The following TOE1 variants were observed in gnomAD, a reference collection of about 807,000 sequenced individuals.
TOE1 encodes the protein target of EGR1 protein 1.
A neutral mutation model predicts 49.2 loss-of-function variants in TOE1; 50 were observed. The ratio of observed to expected loss-of-function variants is 1.02; its 90% confidence interval spans 0.81 to 1.29. The LOEUF is 1.29. TOE1 is among the 50% of genes most tolerant of loss of function. The pLI is 0.00. For synonymous variants in TOE1, 221 were observed against 247.0 expected, an observed-to-expected ratio of 0.89 and a Z score of 0.99; for missense variants, 544 against 654.4, an observed-to-expected ratio of 0.83 and a Z score of 1.84.
chr1:45,340,924 T>A, intron 1 of TOE1, 149 bp from the exon 2 acceptor site: 1 of 1,119,966 alleles, frequency 8.9e-7, no homozygotes, highest in Non-Finnish European at 1.3e-6. Flanking sequence ...CCAAGGCCTG[T>A]GTGTAGAACA....
intron 1 of TOE1, 36 bp downstream of exon 1, chr1:45,340,340 T>A (rs750065907): frequency 1.3e-6 from 2 of 1,597,648 alleles, no homozygotes; most frequent in Non-Finnish European, 1.7e-6. Context: ...TCAAAGCCTC[T>A]GCGCTCTGGG....
At chr1:45,340,978 AC>A (rs1646918912) in intron 1 of TOE1, 94 bp from the exon 2 acceptor site, 5 of 1,548,820 alleles carry the variant, frequency 3.2e-6, no homozygotes, top group Non-Finnish European at 4.4e-6. Context: ...AATGGAAACT[AC>A]CCCCCTTACC....
Position 45,342,098 on chromosome 1 carries a change from C to T in TOE1, c.483C>T (p.Gly161=). 1 of 1,613,860 alleles carries T rather than the reference C, an allele frequency of 6.2e-7. No individual in the cohort carries two copies. ...CCCAAGGCATCCCCTACCATAAGGGCAATGACAAGGTAGGCCTCTAGCCTC... is the reference window on the plus strand; with the variant it reads ...CCCAAGGCATCCCCTACCATAAGGGTAATGACAAGGTAGGCCTCTAGCCTC... ...QYAQGIPYHK[G]NDKGDESQSQ... The change falls in exon 5 of 8, where the codon GGC becomes GGT. Residue 161 remains glycine, a synonymous_variant. Transcript: ENST00000372090.
intron 1 of TOE1, 111 bp from the exon 2 acceptor site, chr1:45,340,962 G>A: frequency 6.8e-7 from 1 of 1,474,556 alleles, no homozygotes; most frequent in East Asian, 2.3e-5. Flanking sequence ...TGTGGGAAAA[G>A]CTACCAATGG....
Position 45,341,497 on chromosome 1 carries a change from C to T in TOE1, c.261C>T (p.Ala87=), listed in dbSNP as rs148784816. The change falls in exon 4 of 8, where the codon GCC becomes GCT. Residue 87 remains alanine, a synonymous_variant. Coordinates refer to ENST00000372090, the MANE Select transcript of TOE1 (RefSeq NM_025077.4). ...LNQCIEERYK[A]VCHAARTRSI... ...GGTGCATTGAGGAACGTTACAAGGC[C>T]GTGTGTCATGCTGCCAGGACCCGTT... 1.1e-4 allele frequency: 171 copies of T among 1,613,896 alleles called. No homozygotes were observed. The highest frequency in any genetic ancestry group is 2.1e-4 in the African/African-American group (16 of 74,844).
chr1:45,343,857 G>T lies in TOE1; in HGVS notation c.*155G>T. 1.2e-6 allele frequency: 1 copy of T among 824,932 alleles called. No homozygotes were observed. The allele number at this position is 824,932 out of a possible 1,614,324, so 51.1% of individuals were successfully genotyped here. A position where few individuals can be genotyped will look rare whatever the true frequency, so the allele number is the denominator to read the frequency against. ...GACCGCCTCCTTTATCCCAGTGTTT[G>T]AGGTACAAGTAAGAAGGCTGACCAG... On this transcript the variant is annotated 3_prime_UTR_variant, in exon 8 of 8. Coordinates refer to ENST00000372090, the MANE Select transcript of TOE1 (RefSeq NM_025077.4). The surrounding 1 kb of genome is among the most constrained non-coding windows in gnomAD (Gnocchi z 4.3).
chr1:45,340,659 TG>T (rs1646883996), intron 1 of TOE1: 3 of 1,140,790 alleles, frequency 2.6e-6, no homozygotes, highest in South Asian at 3.5e-5. Flanking sequence ...TGGGGCTTAC[TG>T]GGAGCTGTTG....
At chr1:45,340,523 G>A (rs1370783231) in intron 1 of TOE1, 4 of 1,423,478 alleles carry the variant, frequency 2.8e-6, no homozygotes, top group Non-Finnish European at 3.7e-6. Context: ...GGCGGGAGAT[G>A]TAGTCTGGAG....
At chr1:45,341,685 AG>A (rs1646992863) in intron 4 of TOE1, 116 bp downstream of exon 4, 2 of 977,354 alleles carry the variant, frequency 2.0e-6, no homozygotes, top group Non-Finnish European at 1.5e-6. Context: ...TTGACTTGAT[AG>A]TTTTTTTTTT....
At chr1:45,342,142 C>A in intron 5 of TOE1, 35 bp downstream of exon 5, 1 of 1,607,806 alleles carries the variant, frequency 6.2e-7, no homozygotes, top group South Asian at 1.1e-5. Flanking sequence ...TGAGTCTGCC[C>A]TTTCTGTGAC....
At chr1:45,340,831 A>T (rs567638790) in intron 1 of TOE1, among the ~76,000 whole-genome samples, 1 of 152,314 alleles carries the variant, frequency 6.6e-6, no homozygotes, top group South Asian at 2.1e-4. Context: ...TGTGAAAGCG[A>T]GGTGGGAAGT....
In TOE1 at chr1:45,340,210, C is replaced by T. The variant is rs766584437; in HGVS notation, c.-43C>T. ...CCGCGCCAGGAGACGGACCGCAAGTCCAGCGTACCCACAGACGACTCAGGC... is the reference window on the plus strand; with the variant it reads ...CCGCGCCAGGAGACGGACCGCAAGTTCAGCGTACCCACAGACGACTCAGGC... On this transcript the variant is annotated 5_prime_UTR_variant, in exon 1 of 8. Transcript: ENST00000372090. The T allele has an allele frequency of 7.4e-6, 12 of 1,613,622 alleles. No homozygotes were observed. The East Asian group carries it at 1.8e-4, about 24-fold the overall frequency.
chr1:45,341,107 G>A lies in TOE1; in HGVS notation c.87G>A (p.Glu29=). 1 of 1,614,200 alleles carries A rather than the reference G, an allele frequency of 6.2e-7. No individual in the cohort carries two copies. The highest frequency in any genetic ancestry group is 8.5e-7 in the Non-Finnish European group (1 of 1,180,038). Residue 29 remains glutamate (E), a synonymous_variant, in exon 2 of 8, where the codon GAG becomes GAA. Coordinates refer to ENST00000372090, the MANE Select transcript of TOE1 (RefSeq NM_025077.4). ...GCAAAAGCACAACATCTGGGGAGGA[G>A]CTAGTAGTCCAGGTTCCCGTAGTGG... ...GVSKSTTSGE[E]LVVQVPVVDV...
rs1647071128 is a variant in TOE1 at position 45,343,007 on chromosome 1, G to C, written c.912+5G>C. 1 of 1,612,024 alleles carries C rather than the reference G, an allele frequency of 6.2e-7. No homozygotes were observed. Among genetic ancestry groups the C allele is most frequent in the Non-Finnish European group, 8.5e-7 (1 of 1,179,252 alleles). On this transcript the variant is annotated splice_donor_5th_base_variant and intron_variant, in intron 7 of 7. Transcript: ENST00000372090. The surrounding 1 kb of genome is among the most constrained non-coding windows in gnomAD (Gnocchi z 4.3). ...AGCATCTGTGACAACTTCTCGGTGA[G>C]AGCACCCACCTGTTTCTTGGGAGGG...
chr1:45,342,505 C>T lies in TOE1; in HGVS notation c.614C>T (p.Ala205Val), dbSNP rs1647055614. The T allele has an allele frequency of 6.2e-7, 1 of 1,614,148 alleles. No individual in the cohort carries two copies. Among genetic ancestry groups the T allele is most frequent in the African/African-American group, 1.3e-5 (1 of 75,008 alleles). Residue 205 changes from alanine (A) to valine (V), a missense_variant, in exon 6 of 8, where the codon GCA becomes GTA. Ala to Val is a moderately conservative substitution (Grantham distance 64, BLOSUM62 0). Coordinates refer to ENST00000372090, the MANE Select transcript of TOE1 (RefSeq NM_025077.4). ...DLVFLYQNFY[A>V]HLPESLGTFT... ...GTGTTCCTGTACCAGAACTTCTATG[C>T]ACACCTCCCTGAGAGTCTGGGAACC...
Position 45,343,404 on chromosome 1 carries a change from CT to C in TOE1, c.1236del (p.Glu413LysfsTer2). ...DLEMGIKAAR[P>X]EIADRATSEV... ...GAGATGGGGATTAAGGCAGCAAGGC[CT>C]GAAATAGCTGATAGAGCTACCTCAG... On this transcript the variant is annotated frameshift_variant, in exon 8 of 8. Coordinates refer to ENST00000372090, the MANE Select transcript of TOE1 (RefSeq NM_025077.4). LOFTEE classifies it high-confidence loss of function. The surrounding 1 kb of genome is among the most constrained non-coding windows in gnomAD (Gnocchi z 4.3). The C allele has an allele frequency of 6.2e-7, 1 of 1,614,086 alleles. No homozygotes were observed. Among genetic ancestry groups the C allele is most frequent in the Non-Finnish European group, 8.5e-7 (1 of 1,180,016 alleles).
Position 45,343,433 on chromosome 1 carries a change from G to A in TOE1, c.1264G>A (p.Val422Met), listed in dbSNP as rs150353603. Residue 422 changes from valine to methionine, a missense_variant, in exon 8 of 8, where the codon GTG becomes ATG. Transcript: ENST00000372090. The surrounding 1 kb of genome is among the most constrained non-coding windows in gnomAD (Gnocchi z 4.3). ...PEIADRATSE[V>M]PGSQASPNPV... The stretch of plus-strand genomic sequence containing the variant: ...AATAGCTGATAGAGCTACCTCAGAA[G>A]TGCCAGGGAGCCAAGCCAGTCCTAA... 14 of 1,614,194 alleles carry A rather than the reference G, an allele frequency of 8.7e-6. No individual in the cohort carries two copies. Among genetic ancestry groups the A allele is most frequent in the South Asian group, 1.1e-5 (1 of 91,080 alleles).
chr1:45,343,802 T>C lies in TOE1; in HGVS notation c.*100T>C. The C allele has an allele frequency of 7.1e-7, 1 of 1,401,428 alleles. No homozygotes were observed. Among genetic ancestry groups the C allele is most frequent in the Non-Finnish European group, 9.7e-7 (1 of 1,025,918 alleles). The allele number at this position is 1,401,428 out of a possible 1,614,324, so 86.8% of individuals were successfully genotyped here. On this transcript the variant is annotated 3_prime_UTR_variant, in exon 8 of 8. Coordinates refer to ENST00000372090, the MANE Select transcript of TOE1 (RefSeq NM_025077.4). This position sits in a 1 kb window ranked among gnomAD's most constrained non-coding sequence, Gnocchi z 4.3. The stretch of plus-strand genomic sequence containing the variant: ...GCTACTGAGTTTAGGGGAGGGGGAA[T>C]GTCTTGACAGACATCACTGCATTGC...
At position 45,340,353 on chromosome 1, in the gene TOE1, A is replaced by AG. The variant is rs752838755; in HGVS notation, c.52+53dup. 110 of 1,585,068 alleles carry AG rather than the reference A, an allele frequency of 6.9e-5. No individual in the cohort carries two copies. In the South Asian group the frequency reaches 1.2e-3, roughly 18 times the overall value. On this transcript the variant is annotated intron_variant, in intron 1 of 7. Coordinates refer to ENST00000372090, the MANE Select transcript of TOE1 (RefSeq NM_025077.4). ...CTTCAAAGCCTCTGCGCTCTGGGAG[A>AG]GGGGAAGGCCTCGGGCTCATAGTTC... is the stretch of plus-strand genomic sequence containing the variant.
Sources: allele counts gnomAD v4.1 joint callset (sites outside exome capture counted in the v4.1 genomes callset), GRCh38; gene constraint gnomAD v4.1.1; non-coding constraint Gnocchi (gnomAD v3.1); transcripts MANE v1.5; gene names NCBI Gene and HGNC (gene_info 2026-07-23, HGNC 2026-07-21).